STAMBPL1: variants seen among roughly 807,000 people sequenced by gnomAD.
STAMBPL1 encodes STAM binding protein like 1.
Under a neutral mutation model 52.9 loss-of-function variants are expected in STAMBPL1, and 44 were observed. That is an observed-to-expected ratio of 0.83 (90% confidence interval 0.65 to 1.07). The LOEUF (loss-of-function observed/expected upper bound fraction) is 1.07, where lower values mean the gene tolerates loss of function less well. Ranked by LOEUF, STAMBPL1 falls within the 50% of genes least tolerant of loss-of-function variation. The probability of loss-of-function intolerance (pLI) is 0.00; values close to 1 mark genes in which losing one functional copy is unlikely to be tolerated. For missense variants in STAMBPL1, 511 were observed against 520.8 expected (o/e 0.98, Z 0.18); for synonymous variants, 164 against 177.3 (o/e 0.92, Z 0.60).
At chr10:88,904,632 A>T (rs1009955250) in intron 2 of STAMBPL1, among the ~76,000 whole-genome samples, 2 of 148,678 alleles carry the variant, frequency 1.3e-5, no homozygotes, top group Non-Finnish European at 3.0e-5. Flanking sequence ...CACTTAACAG[A>T]GAAAATTTCC....
chr10:88,899,596 G>A (rs1305515988), intron 1 of STAMBPL1, among the ~76,000 whole-genome samples: 1 of 152,032 alleles, frequency 6.6e-6, no homozygotes, highest in East Asian at 1.9e-4. Flanking sequence ...TGCATCCTCC[G>A]CCCCATGGAT....
intron 10 of STAMBPL1, 128 bp from the exon 11 acceptor site, chr10:88,923,040 T>C (rs1310255085): frequency 4.4e-6 from 3 of 679,058 alleles, no homozygotes; most frequent in South Asian, 1.8e-5. Context: ...TTTGTTCTGA[T>C]TGGAAATATT....
At chr10:88,883,173 T>C (rs964469259) in intron 1 of STAMBPL1, among the ~76,000 whole-genome samples, 1 of 152,108 alleles carries the variant, frequency 6.6e-6, no homozygotes, top group Non-Finnish European at 1.5e-5. Context: ...TCCGTGTCCC[T>C]ACAGAGGACA....
intron 1 of STAMBPL1, among the ~76,000 whole-genome samples, chr10:88,895,129 G>C (rs981053482): frequency 6.6e-6 from 1 of 152,224 alleles, no homozygotes; most frequent in African/African-American, 2.4e-5. Context: ...GACACTGGCT[G>C]TCCTTGGACT....
At chr10:88,888,180 A>G (rs144656233) in intron 1 of STAMBPL1, among the ~76,000 whole-genome samples, 2 of 152,326 alleles carry the variant, frequency 1.3e-5, no homozygotes, top group East Asian at 3.9e-4. Flanking sequence ...GATTTGATCA[A>G]AGGAAAGTAA....
chr10:88,899,338 TTCAGAATCC>T (rs1844888182), intron 1 of STAMBPL1, among the ~76,000 whole-genome samples: 2 of 152,162 alleles, frequency 1.3e-5, no homozygotes, highest in Admixed American at 6.5e-5. Flanking sequence ...AACCGATGGA[TTCAGAATCC>T]TTAGGGTGGG....
At chr10:88,887,829 T>A (rs61852565) in intron 1 of STAMBPL1, among the ~76,000 whole-genome samples, 1 of 152,210 alleles carries the variant, frequency 6.6e-6, no homozygotes, top group African/African-American at 2.4e-5. Context: ...ACAGCCTTCC[T>A]TTTAACAATC....
intron 1 of STAMBPL1, among the ~76,000 whole-genome samples, chr10:88,890,979 G>T (rs747432830): frequency 1.3e-4 from 20 of 152,122 alleles, no homozygotes; most frequent in African/African-American, 4.6e-4. Context: ...TAAGTGCCTC[G>T]TTTGGGCAGA....
Position 88,923,088 on chromosome 10 carries a change from A to G in STAMBPL1, c.1255-80A>G. On this transcript the variant is annotated intron_variant, in intron 10 of 10. Transcript: ENST00000371926. ...AACAAATTAAAATTAGGAAATCTATACTTCCTCCCTAAAGAAAATCATATG... is the reference window on the plus strand; with the variant it reads ...AACAAATTAAAATTAGGAAATCTATGCTTCCTCCCTAAAGAAAATCATATG... 3 of 963,638 alleles carry G rather than the reference A, an allele frequency of 3.1e-6. No homozygotes were observed. In the South Asian group the frequency reaches 4.6e-5, roughly 15 times the overall value. The allele number at this position is 963,638 out of a possible 1,614,324, so 59.7% of individuals were successfully genotyped here. A position where few individuals can be genotyped will look rare whatever the true frequency, so the allele number is the denominator to read the frequency against.
intron 4 of STAMBPL1, among the ~76,000 whole-genome samples, chr10:88,910,495 A>G (rs988740780): frequency 3.9e-5 from 6 of 152,160 alleles, no homozygotes; most frequent in Non-Finnish European, 8.8e-5. Flanking sequence ...TTTACAGTCT[A>G]GCATGTCTGG....
intron 6 of STAMBPL1, among the ~76,000 whole-genome samples, 173 bp downstream of exon 6, chr10:88,913,631 A>G (rs915914948): frequency 5.9e-5 from 9 of 152,194 alleles, no homozygotes; most frequent in African/African-American, 2.2e-4. Context: ...TTTACTATAT[A>G]TAATCTTAAA....
intron 1 of STAMBPL1, among the ~76,000 whole-genome samples, chr10:88,889,461 A>G (rs2133126835): frequency 6.6e-6 from 1 of 152,208 alleles, no homozygotes. Context: ...TCTCTTAATT[A>G]CTTGCTCATG....
chr10:88,892,929 C>G (rs1229753952), intron 1 of STAMBPL1, among the ~76,000 whole-genome samples: 1 of 152,176 alleles, frequency 6.6e-6, no homozygotes, highest in Non-Finnish European at 1.5e-5. Context: ...GAAAATGATG[C>G]TATTTCAAAC....
intron 8 of STAMBPL1, among the ~76,000 whole-genome samples, chr10:88,917,292 A>G (rs1316766314): frequency 6.6e-6 from 1 of 152,144 alleles, no homozygotes; most frequent in Non-Finnish European, 1.5e-5. Flanking sequence ...ATGTGTTTGT[A>G]TATATCAGCC....
chr10:88,887,492 A>G (rs1214832753), intron 1 of STAMBPL1, among the ~76,000 whole-genome samples: 1 of 152,106 alleles, frequency 6.6e-6, no homozygotes, highest in Non-Finnish European at 1.5e-5. Flanking sequence ...ACCCCTAGAG[A>G]TGATTATTCA....
rs773377305 is a variant in STAMBPL1, at chr10:88,905,683, A to C, written c.248+23A>C. 4.2e-5 allele frequency: 66 copies of C among 1,581,516 alleles called. No individual in the cohort carries two copies. In the South Asian group the frequency reaches 7.2e-4, roughly 17 times the overall value. On this transcript the variant is annotated intron_variant, in intron 3 of 10. Coordinates refer to ENST00000371926, the MANE Select transcript of STAMBPL1 (RefSeq NM_020799.4). ...AACGTAAGTGTTTTAAAGGCCTCTG[A>C]AGTGAGAAAATTGGAAAAATATTTA...
chr10:88,881,908 G>A (rs772337781), intron 1 of STAMBPL1, among the ~76,000 whole-genome samples: 16 of 152,116 alleles, frequency 1.1e-4, no homozygotes, highest in Non-Finnish European at 1.9e-4. Flanking sequence ...CTGAGCAGTA[G>A]GCTCTTTTTG....
At chr10:88,908,671 T>C in intron 3 of STAMBPL1, 31 bp from the exon 4 acceptor site, 3 of 1,578,378 alleles carry the variant, frequency 1.9e-6, no homozygotes, top group Non-Finnish European at 2.6e-6. Flanking sequence ...TGCTGTCACA[T>C]AATGCTAAGG....
chr10:88,888,373 T>G (rs1470754894), intron 1 of STAMBPL1, among the ~76,000 whole-genome samples: 1 of 152,100 alleles, frequency 6.6e-6, no homozygotes, highest in Non-Finnish European at 1.5e-5. Context: ...AGACACACAG[T>G]ACCTTGTCCA....
Sources: allele counts gnomAD v4.1 joint callset (sites outside exome capture counted in the v4.1 genomes callset), GRCh38; gene constraint gnomAD v4.1.1; transcripts MANE v1.5; gene names NCBI Gene and HGNC (gene_info 2026-07-23, HGNC 2026-07-21).